The following TSC22D4 variants were observed in gnomAD, a reference collection of about 807,000 sequenced individuals.
TSC22D4 encodes TSC22 domain family member 4.
In TSC22D4, 5 loss-of-function variants were observed where a neutral mutation model predicts 24.9. That is an observed-to-expected ratio of 0.20 (90% confidence interval 0.10 to 0.42). The LOEUF is 0.42. TSC22D4 is among the 10% of genes least tolerant of loss of function. TSC22D4 has a pLI of 1.00. For missense variants in TSC22D4, 469 were observed against 547.9 expected (o/e 0.86, Z 1.44); for synonymous variants, 245 against 243.2 (o/e 1.01, Z -0.07).
rs1799575284 is a variant in TSC22D4, at chr7:100,479,158, C to G, written c.-634G>C. On this transcript the variant is annotated 5_prime_UTR_variant, in exon 1 of 5. Coordinates refer to ENST00000300181, the MANE Select transcript of TSC22D4 (RefSeq NM_030935.5). Reference sequence around the variant, plus strand: ...ACCCTGCTGGGTCCGTGTCTCCGCTCCTCGGCTCCCCTGGGTCTCTGCCTC... The same window carrying G: ...ACCCTGCTGGGTCCGTGTCTCCGCTGCTCGGCTCCCCTGGGTCTCTGCCTC... 6.6e-6 allele frequency: 1 copy of G among 152,656 alleles called. No individual in the cohort carries two copies. Among genetic ancestry groups the G allele is most frequent in the African/African-American group, 2.4e-5 (1 of 41,462 alleles). The allele number at this position is 152,656 out of a possible 1,614,324, so 9.5% of individuals were successfully genotyped here.
chr7:100,470,847 C>T (rs1214243805), intron 3 of TSC22D4, among the ~76,000 whole-genome samples: 2 of 152,198 alleles, frequency 1.3e-5, no homozygotes, highest in Non-Finnish European at 2.9e-5. Context: ...TTCTGGAAAA[C>T]TGTCGTGACT....
chr7:100,467,079 AGCGTTCCGCTCC>A lies in TSC22D4; in HGVS notation c.1056_1067del (p.Glu353_Ala356del). Reference sequence around the variant, plus strand: ...GCAGCCCATTCTCCTGCTCCAGCGCAGCGTTCCGCTCCGCCAATTCCCGGATCTGCTCCTTCA... The same window carrying A: ...GCAGCCCATTCTCCTGCTCCAGCGCAGCCAATTCCCGGATCTGCTCCTTCA... On this transcript the variant is annotated inframe_deletion, in exon 5 of 5. Coordinates refer to ENST00000300181, the MANE Select transcript of TSC22D4 (RefSeq NM_030935.5). The A allele has an allele frequency of 6.2e-7, 1 of 1,614,102 alleles. No individual in the cohort carries two copies. Among genetic ancestry groups the A allele is most frequent in the East Asian group, 2.2e-5 (1 of 44,880 alleles).
At position 100,466,812 on chromosome 7, in the gene TSC22D4, G is replaced by T; in HGVS notation, c.*147C>A. 1.3e-6 allele frequency: 1 copy of T among 780,596 alleles called. No homozygotes were observed. The highest frequency in any genetic ancestry group is 2.0e-6 in the Non-Finnish European group (1 of 493,914). 48.4% of individuals were successfully genotyped at this position (780,596 alleles called of 1,614,324 possible). A position where few individuals can be genotyped will look rare whatever the true frequency, so the allele number is the denominator to read the frequency against. On this transcript the variant is annotated 3_prime_UTR_variant, in exon 5 of 5. Transcript: ENST00000300181. ...TCAAGGCTGGGGATGATGAGGAGATGGGGCAGGGGCCGGGGGACCAGGCCA... is the reference window on the plus strand; with the variant it reads ...TCAAGGCTGGGGATGATGAGGAGATTGGGCAGGGGCCGGGGGACCAGGCCA...
chr7:100,477,280 C>A lies in TSC22D4; in HGVS notation c.759G>T (p.Gly253=), dbSNP rs770844613. The change falls in exon 2 of 5, where the codon GGG becomes GGT. Residue 253 remains glycine (G), a synonymous_variant. Transcript: ENST00000300181. This position sits in a 1 kb window ranked among gnomAD's most constrained non-coding sequence, Gnocchi z 7.8. The part of the protein sequence containing the change: ...RMELGAPEEM[G]QVPPLDSRPS... ...AGCCCTAGAACCCAGGTCTTACCTG[C>A]CCCATCTCTTCTGGAGCACCCAACT... is the stretch of plus-strand genomic sequence containing the variant. 34 of 1,500,712 alleles carry A rather than the reference C, an allele frequency of 2.3e-5. No individual in the cohort carries two copies. The highest frequency in any genetic ancestry group is 3.0e-5 in the Non-Finnish European group (34 of 1,124,276). The allele number at this position is 1,500,712 out of a possible 1,614,324, so 93.0% of individuals were successfully genotyped here. A position where few individuals can be genotyped will look rare whatever the true frequency, so the allele number is the denominator to read the frequency against.
At chr7:100,473,775 T>TTTTC (rs1474063483) in intron 3 of TSC22D4, 1 of 151,362 alleles carries the variant, frequency 6.6e-6, no homozygotes, top group Non-Finnish European at 1.5e-5. Context: ...TATATTTTTT[T>TTTTC]TTTCTTTCTT....
At chr7:100,476,429 T>A (rs2131052564) in intron 2 of TSC22D4, among the ~76,000 whole-genome samples, 1 of 152,248 alleles carries the variant, frequency 6.6e-6, no homozygotes, top group East Asian at 1.9e-4. Flanking sequence ...TCCCCAGACC[T>A]CCGAGGTGTT....
intron 3 of TSC22D4, chr7:100,467,872 G>A (rs1017320010): frequency 2.0e-5 from 13 of 643,338 alleles, no homozygotes; most frequent in Non-Finnish European, 3.0e-5. Flanking sequence ...GGGCAGCCCC[G>A]GAGCCATCCC....
chr7:100,467,304 A>G, intron 4 of TSC22D4, 136 bp from the exon 5 acceptor site: 2 of 1,002,290 alleles, frequency 2.0e-6, no homozygotes, highest in Non-Finnish European at 1.6e-6. Flanking sequence ...ACAGGGGAAA[A>G]GGACGAGGGA....
chr7:100,477,511 G>T lies in TSC22D4; in HGVS notation c.528C>A (p.Pro176=). 6.4e-7 allele frequency: 1 copy of T among 1,557,110 alleles called. No homozygotes were observed. Among genetic ancestry groups the T allele is most frequent in the Non-Finnish European group, 8.7e-7 (1 of 1,151,912 alleles). The stretch of plus-strand genomic sequence containing the variant: ...GGGGTTTCTCTGCCTTGGCTTTGCT[G>T]GGCACCACCAGCTGGCCCAGTCCCC... The part of the protein sequence containing the change: ...FTGGLGQLVV[P]SKAKAEKPPL... The change falls in exon 2 of 5, where the codon CCC becomes CCA. Residue 176 remains proline (P), a synonymous_variant. Transcript: ENST00000300181. This position sits in a 1 kb window ranked among gnomAD's most constrained non-coding sequence, Gnocchi z 7.8.
In TSC22D4 at chr7:100,477,572, G is replaced by A. The variant is rs1218844590; in HGVS notation, c.467C>T (p.Pro156Leu). 6.3e-7 allele frequency: 1 copy of A among 1,582,778 alleles called. No homozygotes were observed. Among genetic ancestry groups the A allele is most frequent in the Non-Finnish European group, 8.6e-7 (1 of 1,165,246 alleles). The change falls in exon 2 of 5, where the codon CCC (proline) becomes CTC (leucine). Residue 156 changes from proline to leucine, a missense_variant. By Grantham distance (98) the Pro-to-Leu change is moderately conservative. Transcript: ENST00000300181. The surrounding 1 kb of genome is among the most constrained non-coding windows in gnomAD (Gnocchi z 7.8). Reference sequence around the variant, plus strand: ...GCGGGCCTGAGGTCCAGGAGAGGTGGGGGGTGGACGGAGCCAGGAGGTGGG... The same window carrying A: ...GCGGGCCTGAGGTCCAGGAGAGGTGAGGGGTGGACGGAGCCAGGAGGTGGG... ...QGPTSWLRPPPTSPGPQARSF... is the reference protein window; with the variant it reads ...QGPTSWLRPPLTSPGPQARSF...
intron 1 of TSC22D4, 93 bp from the exon 2 acceptor site, chr7:100,478,400 T>TGTGTGTGTGTGTGTGA (rs1448660933): frequency 4.9e-6 from 1 of 204,170 alleles, no homozygotes; most frequent in African/African-American, 2.7e-5. Context: ...TGTGTGTGTG[T>TGTGTGTGTGTGTGTGA]GAAACCAGTG....
Position 100,474,407 on chromosome 7 carries a change from C to A in TSC22D4, c.796G>T (p.Ala266Ser). 1.9e-6 allele frequency: 3 copies of A among 1,614,044 alleles called. No individual in the cohort carries two copies. The highest frequency in any genetic ancestry group is 2.5e-6 in the Non-Finnish European group (3 of 1,180,010). The part of the protein sequence containing the change: ...PPLDSRPSSP[A>S]LYFTHDASLV... ...CTGGCATCGTGGGTGAAGTAGAGGG[C>A]TGGGGAGCTGGGGCGAGAGTCAAGT... The change falls in exon 3 of 5, where the codon GCC (alanine) becomes TCC (serine). Residue 266 changes from alanine to serine, a missense_variant. By Grantham distance (99) the Ala-to-Ser change is moderately conservative. Coordinates refer to ENST00000300181, the MANE Select transcript of TSC22D4 (RefSeq NM_030935.5). This position sits in a 1 kb window ranked among gnomAD's most constrained non-coding sequence, Gnocchi z 4.3.
Position 100,478,028 on chromosome 7 carries a change from C to T in TSC22D4, c.11G>A (p.Gly4Asp), listed in dbSNP as rs1343534369. Residue 4 changes from glycine to aspartate, a missense_variant, in exon 2 of 5, where the codon GGC (glycine) becomes GAC (aspartate). Coordinates refer to ENST00000300181, the MANE Select transcript of TSC22D4 (RefSeq NM_030935.5). MSG[G>D]KKKSSFQITS... ...GATTTGGAAACTACTCTTCTTCTTG[C>T]CCCCGCTCATGGTCCCTGGGGCTCA... is the stretch of plus-strand genomic sequence containing the variant. 1.3e-6 allele frequency: 2 copies of T among 1,592,968 alleles called. No homozygotes were observed. The highest frequency in any genetic ancestry group is 1.8e-5 in the Admixed American group (1 of 56,142).
chr7:100,476,794 G>C (rs1342638576), intron 2 of TSC22D4, among the ~76,000 whole-genome samples: 1 of 152,204 alleles, frequency 6.6e-6, no homozygotes, highest in Admixed American at 6.5e-5. Flanking sequence ...GAGATGGGTG[G>C]CTGGGGGAAA....
intron 3 of TSC22D4, among the ~76,000 whole-genome samples, chr7:100,471,202 G>A (rs1306207622): frequency 7.9e-6 from 1 of 126,390 alleles, no homozygotes; most frequent in Non-Finnish European, 1.6e-5. Flanking sequence ...GATCTGTGGT[G>A]TCTTTGGGGC....
chr7:100,477,247 G>A lies in TSC22D4; in HGVS notation c.762+30C>T. On this transcript the variant is annotated intron_variant, in intron 2 of 4. Transcript: ENST00000300181. This position sits in a 1 kb window ranked among gnomAD's most constrained non-coding sequence, Gnocchi z 7.8. ...TCAAGATAGAGGTTAGGCCAGGGCT[G>A]ATGGGCCAGCCCTAGAACCCAGGTC... 4.8e-6 allele frequency: 7 copies of A among 1,458,360 alleles called. No homozygotes were observed. The highest frequency in any genetic ancestry group is 5.4e-6 in the Non-Finnish European group (6 of 1,101,782). 90.3% of individuals were successfully genotyped at this position (1,458,360 alleles called of 1,614,324 possible).
chr7:100,477,645 T>C lies in TSC22D4; in HGVS notation c.394A>G (p.Ser132Gly). 6.3e-7 allele frequency: 1 copy of C among 1,594,910 alleles called. No homozygotes were observed. The change falls in exon 2 of 5, where the codon AGC (serine) becomes GGC (glycine). Residue 132 changes from serine (S) to glycine (G), a missense_variant. Coordinates refer to ENST00000300181, the MANE Select transcript of TSC22D4 (RefSeq NM_030935.5). The surrounding 1 kb of genome is among the most constrained non-coding windows in gnomAD (Gnocchi z 7.8). Reference protein sequence around the residue: ...RSLDSRLELASLGLGAPTPPS... With the variant: ...RSLDSRLELAGLGLGAPTPPS... ...GGGGTGGGGGCGCCCAGGCCGAGGCTGGCCAGCTCCAACCTGGAATCCAAA... is the reference window on the plus strand; with the variant it reads ...GGGGTGGGGGCGCCCAGGCCGAGGCCGGCCAGCTCCAACCTGGAATCCAAA...
chr7:100,478,098 C>T lies in TSC22D4; in HGVS notation c.-60G>A, dbSNP rs932312286. ...GGTGGGTTGGGGCTCCTTGAAGGGG[C>T]TCAGGCACCCCTGGAACAAGGGGGC... On this transcript the variant is annotated 5_prime_UTR_variant, in exon 2 of 5. Transcript: ENST00000300181. The T allele has an allele frequency of 1.4e-6, 2 of 1,434,682 alleles. No individual in the cohort carries two copies. Among genetic ancestry groups the T allele is most frequent in the African/African-American group, 2.8e-5 (2 of 70,622 alleles). 88.9% of individuals were successfully genotyped at this position (1,434,682 alleles called of 1,614,324 possible).
intron 3 of TSC22D4, among the ~76,000 whole-genome samples, chr7:100,473,577 G>A (rs1458615750): frequency 6.6e-6 from 1 of 151,782 alleles, no homozygotes; most frequent in Non-Finnish European, 1.5e-5. Flanking sequence ...GAGTAGCTGG[G>A]ATTACAGGCA....
Sources: allele counts gnomAD v4.1 joint callset (sites outside exome capture counted in the v4.1 genomes callset), GRCh38; gene constraint gnomAD v4.1.1; non-coding constraint Gnocchi (gnomAD v3.1); transcripts MANE v1.5; gene names NCBI Gene and HGNC (gene_info 2026-07-23, HGNC 2026-07-21).